The following ARAP2 variants were observed in gnomAD, a reference collection of about 807,000 sequenced individuals.
The protein encoded by ARAP2 is arf-GAP with Rho-GAP domain, ANK repeat and PH domain-containing protein 2.
Under a neutral mutation model 194.5 loss-of-function variants are expected in ARAP2, and 148 were observed. That is an observed-to-expected ratio of 0.76 (90% confidence interval 0.67 to 0.87). ARAP2 has a LOEUF of 0.87. ARAP2 is among the 40% of genes least tolerant of loss of function. The pLI is 0.00. For missense variants in ARAP2, 2,128 were observed against 1,989.7 expected, an observed-to-expected ratio of 1.07 and a Z score of -1.32; for synonymous variants, 695 against 683.5, an observed-to-expected ratio of 1.02 and a Z score of -0.26.
intron 2 of ARAP2, among the ~76,000 whole-genome samples, chr4:36,218,765 A>G (rs532361461): frequency 7.9e-5 from 12 of 152,334 alleles, no homozygotes; most frequent in African/African-American, 2.9e-4. Flanking sequence ...AGTCACAATT[A>G]AGGAAAATAA....
chr4:36,116,798 G>C (rs768923989), intron 25 of ARAP2, among the ~76,000 whole-genome samples: 2 of 151,654 alleles, frequency 1.3e-5, no homozygotes, highest in African/African-American at 2.4e-5. Flanking sequence ...CTAGGAAGGG[G>C]AGGAACAAGT....
At chr4:36,114,316 A>C (rs1720790666) in intron 25 of ARAP2, 29 bp from the exon 26 acceptor site, 1 of 1,410,492 alleles carries the variant, frequency 7.1e-7, no homozygotes, top group South Asian at 1.2e-5. Flanking sequence ...TTTTTCAAAA[A>C]ACGTGTTAGA....
intron 19 of ARAP2, among the ~76,000 whole-genome samples, chr4:36,138,864 C>T (rs1160485588): frequency 6.6e-6 from 1 of 151,706 alleles, no homozygotes; most frequent in Non-Finnish European, 1.5e-5. Flanking sequence ...TGCACTGCCA[C>T]TTTCTAAAAA....
At chr4:36,082,441 G>A (rs1729795443) in intron 29 of ARAP2, among the ~76,000 whole-genome samples, 155 bp from the exon 30 acceptor site, 1 of 152,154 alleles carries the variant, frequency 6.6e-6, no homozygotes, top group Non-Finnish European at 1.5e-5. Flanking sequence ...AGCTAGAGGT[G>A]AATGCTAAAT....
intron 2 of ARAP2, among the ~76,000 whole-genome samples, chr4:36,054,602 T>C (rs1335105815): frequency 6.6e-6 from 1 of 152,186 alleles, no homozygotes; most frequent in Non-Finnish European, 1.5e-5. Flanking sequence ...ATGATGTCTA[T>C]ATAGAACAAA....
chr4:36,096,856 G>A (rs1715463723), intron 27 of ARAP2, among the ~76,000 whole-genome samples: 1 of 152,042 alleles, frequency 6.6e-6, no homozygotes, highest in African/African-American at 2.4e-5. Context: ...GTATGGACTT[G>A]GTCATATAGC....
chr4:36,101,241 C>T (rs527962691), intron 27 of ARAP2, among the ~76,000 whole-genome samples: 1 of 151,838 alleles, frequency 6.6e-6, no homozygotes, highest in Admixed American at 6.6e-5. Flanking sequence ...CTGTAACCCA[C>T]CTCCCCATGG....
intron 6 of ARAP2, among the ~76,000 whole-genome samples, chr4:36,017,765 T>TTA (rs1323439037): frequency 6.6e-6 from 1 of 151,910 alleles, no homozygotes; most frequent in Non-Finnish European, 1.5e-5. Context: ...GCGAGACACT[T>TTA]TGTAGAGACC....
At chr4:36,006,902 C>T (rs1713395084) in intron 10 of ARAP2, 1 of 151,644 alleles carries the variant, frequency 6.6e-6, no homozygotes, top group Non-Finnish European at 1.5e-5. Flanking sequence ...AGAGAAAGTA[C>T]CCAGGTGAGG....
intron 29 of ARAP2, among the ~76,000 whole-genome samples, chr4:36,083,106 G>A (rs1003036372): frequency 2.6e-5 from 4 of 151,934 alleles, no homozygotes; most frequent in South Asian, 2.1e-4. Flanking sequence ...AGAGCCTCCC[G>A]GGATTTCTTA....
chr4:36,142,639 G>A (rs1388437344), intron 19 of ARAP2, among the ~76,000 whole-genome samples: 1 of 151,300 alleles, frequency 6.6e-6, no homozygotes, highest in African/African-American at 2.4e-5. Flanking sequence ...CTTCCTTTTT[G>A]AGACACCCTC....
At chr4:36,234,022 G>A (rs899277129) in intron 1 of ARAP2, among the ~76,000 whole-genome samples, 1 of 152,198 alleles carries the variant, frequency 6.6e-6, no homozygotes, top group Non-Finnish European at 1.5e-5. Context: ...ATTGTATGCT[G>A]CAAATATTAT....
At chr4:36,133,829 CA>C (rs1726022353) in intron 19 of ARAP2, among the ~76,000 whole-genome samples, 1 of 151,718 alleles carries the variant, frequency 6.6e-6, no homozygotes, top group African/African-American at 2.4e-5. Context: ...GTCTCTTTCC[CA>C]ATCTCACTTC....
chr4:36,228,227 C>T (rs1169929660), intron 2 of ARAP2, among the ~76,000 whole-genome samples: 1 of 152,108 alleles, frequency 6.6e-6, no homozygotes, highest in Non-Finnish European at 1.5e-5. Flanking sequence ...AAGAACAAAT[C>T]ATCTATTGGG....
In ARAP2 at chr4:36,191,789, A is replaced by G. The variant is rs139975153; in HGVS notation, c.1557+1789T>C. ...TGAGACAATGAAACGATCACAGGGC[A>G]ATTCTGCCCACAGCTGGGTGAAAAT... On this transcript the variant is annotated intron_variant, in intron 7 of 32. Transcript: ENST00000303965. 1.2e-4 allele frequency among the ~76,000 whole-genome samples: 19 copies of G among 152,284 alleles called. No homozygotes were observed. In the East Asian group the frequency reaches 3.5e-3, roughly 28 times the overall value.
chr4:36,204,154 T>A (rs1284506055), intron 6 of ARAP2, among the ~76,000 whole-genome samples: 1 of 151,970 alleles, frequency 6.6e-6, no homozygotes. Context: ...CACCAAACTA[T>A]CAGGAATTCT....
intron 13 of ARAP2, 91 bp downstream of exon 13, chr4:36,160,368 A>G: frequency 7.8e-7 from 1 of 1,286,452 alleles, no homozygotes. Flanking sequence ...TTTGTCAGAT[A>G]GTATAAAATT....
intron 5 of ARAP2, among the ~76,000 whole-genome samples, chr4:36,035,540 T>G (rs1345938261): frequency 6.6e-6 from 1 of 152,122 alleles, no homozygotes; most frequent in South Asian, 2.1e-4. Context: ...AGTAATAAAA[T>G]TAAGTCAATT....
At chr4:36,169,624 C>T (rs1292872990) in intron 9 of ARAP2, among the ~76,000 whole-genome samples, 1 of 151,928 alleles carries the variant, frequency 6.6e-6, no homozygotes, top group Non-Finnish European at 1.5e-5. Context: ...TCGGCCCCCC[C>T]AGGTTCAAGA....
Sources: allele counts gnomAD v4.1 joint callset (sites outside exome capture counted in the v4.1 genomes callset), GRCh38; gene constraint gnomAD v4.1.1; transcripts MANE v1.5; gene names NCBI Gene and HGNC (gene_info 2026-07-23, HGNC 2026-07-21).